POM121C: variants seen among roughly 807,000 people sequenced by gnomAD.
POM121C encodes the protein nuclear envelope pore membrane protein POM 121C.
In POM121C, 20 loss-of-function variants were observed where a neutral mutation model predicts 66.4. The ratio of observed to expected loss-of-function variants is 0.30; its 90% CI spans 0.21 to 0.44. The LOEUF (loss-of-function observed/expected upper bound fraction) is 0.44. Among genes scored for constraint, POM121C ranks in the 20% least tolerant of loss-of-function variants. The pLI, the probability that POM121C is intolerant of heterozygous loss-of-function variation, is 1.00. For synonymous variants in POM121C, 286 were observed against 528.0 expected, an observed-to-expected ratio of 0.54 and a Z score of 6.28; for missense variants, 580 against 1,225.7, an observed-to-expected ratio of 0.47 and a Z score of 7.87.
At chr7:75,449,091 G>C (rs1177018967) in intron 3 of POM121C, among the ~76,000 whole-genome samples, 3 of 149,500 alleles carry the variant, frequency 2.0e-5, no homozygotes, top group Non-Finnish European at 4.5e-5. Context: ...TGGCTTCTAC[G>C]GGAGTCTTGA....
chr7:75,477,396 A>G (rs1288354283), intron 1 of POM121C, among the ~76,000 whole-genome samples: 1 of 152,248 alleles, frequency 6.6e-6, no homozygotes, highest in Non-Finnish European at 1.5e-5. Context: ...CAGCCTGGTC[A>G]ACATGGTGAA....
intron 7 of POM121C, among the ~76,000 whole-genome samples, chr7:75,433,145 G>A (rs1790249144): frequency 7.4e-6 from 1 of 135,138 alleles, no homozygotes; most frequent in East Asian, 2.6e-4. Context: ...TGAGGCAAGA[G>A]AATCGCTTGA....
chr7:75,437,753 T>A (rs1554473229), intron 6 of POM121C, 67 bp from the exon 7 acceptor site: 4 of 1,496,292 alleles, frequency 2.7e-6, no homozygotes, highest in East Asian at 2.3e-5. Flanking sequence ...TCATCCACGG[T>A]CATGACATCT....
At chr7:75,431,503 TG>T (rs1259644685) in intron 7 of POM121C, among the ~76,000 whole-genome samples, 1 of 146,170 alleles carries the variant, frequency 6.8e-6, no homozygotes, top group Admixed American at 7.2e-5. Context: ...CTCGGGAGGC[TG>T]AGGCAGAAGA....
chr7:75,462,773 C>T (rs1791488309), intron 3 of POM121C, among the ~76,000 whole-genome samples: 1 of 151,738 alleles, frequency 6.6e-6, no homozygotes, highest in African/African-American at 2.4e-5. Context: ...CCTGCTGATG[C>T]CTAGGCAAAA....
In POM121C at chr7:75,419,393, G is replaced by A. The variant is rs782764877; in HGVS notation, c.2793C>T (p.Gly931=). Residue 931 remains glycine, a synonymous_variant, in exon 14 of 15, where the codon GGC becomes GGT. Transcript: ENST00000615331. ...CAAAGGAGAGGCTGCTGCCCGATGTGCCCACTCCAGGCGCAGGGGTGTTCT... is the reference window on the plus strand; with the variant it reads ...CAAAGGAGAGGCTGCTGCCCGATGTACCCACTCCAGGCGCAGGGGTGTTCT... The part of the protein sequence containing the change: ...FGQNTPAPGV[G]TSGSSLSFGA... 79 of 1,613,702 alleles carry A rather than the reference G, an allele frequency of 4.9e-5. No homozygotes were observed. The highest frequency in any genetic ancestry group is 6.3e-5 in the Non-Finnish European group (74 of 1,179,828).
At chr7:75,455,725 C>T (rs185611498) in intron 3 of POM121C, among the ~76,000 whole-genome samples, 509 of 152,244 alleles carry the variant, frequency 3.3e-3, no homozygotes, top group Non-Finnish European at 5.4e-3. Context: ...TCATTACATT[C>T]CTATCAGTTT....
chr7:75,452,145 C>T (rs58862095), intron 3 of POM121C, among the ~76,000 whole-genome samples: 55,372 of 151,494 alleles, frequency 0.37, 12,627 homozygotes, highest in East Asian at 0.88. Context: ...GCCTGGGTGA[C>T]AGAGTGAGAC....
At chr7:75,419,465 C>T (rs587746114) in intron 13 of POM121C, 23 bp from the exon 14 acceptor site, 2 of 1,612,312 alleles carry the variant, frequency 1.2e-6, no homozygotes, top group East Asian at 2.2e-5. Context: ...GAACAGAGAG[C>T]TAGCCAGTGA....
At chr7:75,460,228 A>AT (rs1358583371) in intron 3 of POM121C, among the ~76,000 whole-genome samples, 1 of 140,252 alleles carries the variant, frequency 7.1e-6, no homozygotes, top group Non-Finnish European at 1.5e-5. Context: ...GTGGTAGCTT[A>AT]TGCCTATAAT....
intron 1 of POM121C, among the ~76,000 whole-genome samples, chr7:75,483,892 G>A (rs1792406044): frequency 6.6e-6 from 1 of 152,094 alleles, no homozygotes; most frequent in Admixed American, 6.5e-5. Context: ...CCTGAGGTCA[G>A]GAGTTTGAGA....
chr7:75,447,044 A>G (rs1238824676), intron 3 of POM121C, among the ~76,000 whole-genome samples: 3 of 140,062 alleles, frequency 2.1e-5, no homozygotes, highest in African/African-American at 7.8e-5. Flanking sequence ...AAAAATGACC[A>G]TTACTCAACA....
At chr7:75,485,501 C>A (rs1193963775) in intron 1 of POM121C, among the ~76,000 whole-genome samples, 5 of 151,374 alleles carry the variant, frequency 3.3e-5, no homozygotes, top group Non-Finnish European at 5.9e-5. Context: ...TCTCCCAGGG[C>A]AGGTCTAAGG....
intron 1 of POM121C, among the ~76,000 whole-genome samples, chr7:75,476,436 T>G (rs1245919113): frequency 1.3e-5 from 2 of 152,204 alleles, no homozygotes; most frequent in Non-Finnish European, 2.9e-5. Context: ...CCAGTAAGCA[T>G]GTTGCATTAT....
Position 75,417,105 on chromosome 7 carries a change from G to C in POM121C, c.*1691C>G. 1 of 1,027,398 alleles carries C rather than the reference G, an allele frequency of 9.7e-7. No homozygotes were observed. Among genetic ancestry groups the C allele is most frequent in the Non-Finnish European group, 1.2e-6 (1 of 852,816 alleles). 63.6% of individuals were successfully genotyped at this position (1,027,398 alleles called of 1,614,324 possible). A position where few individuals can be genotyped will look rare whatever the true frequency, so the allele number is the denominator to read the frequency against. ...CCACCCAGACCCTCCAATCCTAACA[G>C]GTATTTAGGCTTGAGGTTCACTCCC... is the stretch of plus-strand genomic sequence containing the variant. On this transcript the variant is annotated 3_prime_UTR_variant, in exon 15 of 15. Transcript: ENST00000615331.
intron 7 of POM121C, among the ~76,000 whole-genome samples, chr7:75,428,401 G>A (rs1352520777): frequency 6.6e-6 from 1 of 152,154 alleles, no homozygotes; most frequent in Non-Finnish European, 1.5e-5. Context: ...GCCTCCCAAA[G>A]CACTAGGATT....
intron 9 of POM121C, 196 bp downstream of exon 9, chr7:75,425,439 C>T (rs1438761532): frequency 1.0e-5 from 14 of 1,355,042 alleles, no homozygotes; most frequent in South Asian, 3.0e-5. Flanking sequence ...TCTATCCAAT[C>T]GTTAGCCCCC....
intron 1 of POM121C, among the ~76,000 whole-genome samples, chr7:75,483,157 C>T (rs1792375396): frequency 6.6e-6 from 1 of 152,090 alleles, no homozygotes; most frequent in Admixed American, 6.5e-5. Flanking sequence ...AAATTATATG[C>T]ACCAAGTTCT....
Position 75,439,232 on chromosome 7 carries a change from A to T in POM121C, c.228-8T>A. 1 of 1,614,240 alleles carries T rather than the reference A, an allele frequency of 6.2e-7. No individual in the cohort carries two copies. Among genetic ancestry groups the T allele is most frequent in the Non-Finnish European group, 8.5e-7 (1 of 1,180,034 alleles). ...CCACTGCTATCATGGCGCCTGCGACAAATCAAAAAAGTCTCAAATGAAATG... is the reference window on the plus strand; with the variant it reads ...CCACTGCTATCATGGCGCCTGCGACTAATCAAAAAAGTCTCAAATGAAATG... On this transcript the variant is annotated splice_region_variant and splice_polypyrimidine_tract_variant and intron_variant, in intron 5 of 14. Transcript: ENST00000615331.
Sources: gnomAD v4.1 joint callset for allele counts (sites outside exome capture counted in the v4.1 genomes callset) on GRCh38, gnomAD v4.1.1 for gene constraint, MANE v1.5 for transcripts, NCBI Gene and HGNC (gene_info 2026-07-23, HGNC 2026-07-21) for gene names.